The following RPS6KA2 variants were observed in gnomAD, a reference collection of about 807,000 sequenced individuals.
RPS6KA2 encodes ribosomal protein S6 kinase alpha-2.
A neutral mutation model predicts 91.8 loss-of-function variants in RPS6KA2; 42 were observed. That is an observed-to-expected ratio of 0.46 (90% CI 0.36 to 0.59). The LOEUF is 0.59. RPS6KA2 is among the 20% of genes least tolerant of loss of function. RPS6KA2 has a pLI of 0.00. For missense variants in RPS6KA2, 798 were observed against 978.5 expected (o/e 0.82, Z 2.46); for synonymous variants, 414 against 393.6 (o/e 1.05, Z -0.61).
intron 2 of RPS6KA2, among the ~76,000 whole-genome samples, chr6:166,851,627 A>T (rs1263977912): frequency 5.9e-5 from 9 of 152,252 alleles, no homozygotes; most frequent in African/African-American, 1.7e-4. Flanking sequence ...CTCTCAGACC[A>T]CGGGACACAG....
chr6:166,616,458 C>T lies in RPS6KA2; in HGVS notation c.99+10463G>A, dbSNP rs528635525. Among the ~76,000 whole-genome samples the T allele has an allele frequency of 4.6e-5, 7 of 152,340 alleles. No individual in the cohort carries two copies. In the East Asian group the frequency reaches 1.2e-3, roughly 25 times the overall value. ...CATGCCTGCCTGAGGCCATGTCAAC[C>T]GAGTCGCTCCTGTCCAGCAACACGT... On this transcript the variant is annotated intron_variant, in intron 1 of 20. Coordinates refer to ENST00000265678, the MANE Select transcript of RPS6KA2 (RefSeq NM_021135.6).
chr6:166,717,195 G>A (rs1300820470), intron 2 of RPS6KA2, among the ~76,000 whole-genome samples: 1 of 152,226 alleles, frequency 6.6e-6, no homozygotes. Flanking sequence ...CTGAGGCTCA[G>A]GTTTTGCAAG....
intron 2 of RPS6KA2, among the ~76,000 whole-genome samples, chr6:166,846,375 C>T (rs1398681909): frequency 6.9e-6 from 1 of 144,778 alleles, no homozygotes; most frequent in African/African-American, 2.5e-5. Context: ...CCATTATCAC[C>T]CCCATACCAA....
chr6:166,506,014 A>G (rs907854346), intron 5 of RPS6KA2, among the ~76,000 whole-genome samples: 1 of 152,140 alleles, frequency 6.6e-6, no homozygotes, highest in Non-Finnish European at 1.5e-5. Context: ...GTTTCTCCAT[A>G]GAAAGGGAAC....
At chr6:166,614,657 A>G (rs1786335911) in intron 1 of RPS6KA2, among the ~76,000 whole-genome samples, 1 of 152,160 alleles carries the variant, frequency 6.6e-6, no homozygotes, top group Non-Finnish European at 1.5e-5. Context: ...TGGAGATCGG[A>G]AGTTCGGGAT....
At chr6:166,783,842 ATC>A (rs1778848342) in intron 2 of RPS6KA2, among the ~76,000 whole-genome samples, 3 of 62,602 alleles carry the variant, frequency 4.8e-5, no homozygotes, top group Admixed American at 1.7e-4. Flanking sequence ...GTGCACACCT[ATC>A]TATACCACAT....
At chr6:166,861,149 T>C (rs1021874414) in intron 1 of RPS6KA2, among the ~76,000 whole-genome samples, 4 of 152,228 alleles carry the variant, frequency 2.6e-5, no homozygotes, top group African/African-American at 9.7e-5. Flanking sequence ...ACAGAATCTC[T>C]CATTCAGTTC....
chr6:166,566,148 C>T (rs1373262448), intron 1 of RPS6KA2, among the ~76,000 whole-genome samples: 1 of 152,210 alleles, frequency 6.6e-6, no homozygotes, highest in African/African-American at 2.4e-5. Flanking sequence ...AGAAAGGGAA[C>T]AGACCTACTC....
intron 2 of RPS6KA2, among the ~76,000 whole-genome samples, chr6:166,708,330 A>C (rs1789745951): frequency 6.6e-6 from 1 of 152,234 alleles, no homozygotes; most frequent in African/African-American, 2.4e-5. Context: ...ATTTACAATA[A>C]AGTAAACATT....
chr6:166,808,523 G>A (rs1779550635), intron 2 of RPS6KA2, among the ~76,000 whole-genome samples: 1 of 152,204 alleles, frequency 6.6e-6, no homozygotes, highest in Non-Finnish European at 1.5e-5. Flanking sequence ...GGTGCCTGGA[G>A]CAGGGCCTGG....
At chr6:166,453,434 A>G (rs537390487) in intron 12 of RPS6KA2, among the ~76,000 whole-genome samples, 2 of 152,350 alleles carry the variant, frequency 1.3e-5, no homozygotes, top group East Asian at 3.9e-4. Flanking sequence ...ATTTTTCAAA[A>G]GAAGACATAC....
intron 1 of RPS6KA2, among the ~76,000 whole-genome samples, chr6:166,624,842 C>CTT (rs35217062): frequency 1.4e-5 from 2 of 147,204 alleles, no homozygotes; most frequent in South Asian, 4.3e-4. Flanking sequence ...TAGCATTGAC[C>CTT]TTTTTTTTTT....
chr6:166,720,618 A>G lies in RPS6KA2; in HGVS notation c.123+137582T>C, dbSNP rs144125372. Among the ~76,000 whole-genome samples the G allele has an allele frequency of 6.2e-3, 945 of 152,346 alleles. 8 individuals carry two copies. Among genetic ancestry groups the G allele is most frequent in the Middle Eastern group, 0.044 (13 of 294 alleles). Reference sequence around the variant, plus strand: ...ATGAGAAACTAGCACTAAATAATTCACTTTTTGAGATAGTTTGAACATATT... The same window carrying G: ...ATGAGAAACTAGCACTAAATAATTCGCTTTTTGAGATAGTTTGAACATATT... On this transcript the variant is annotated intron_variant, in intron 2 of 21. Coordinates refer to the RPS6KA2 transcript ENST00000503859.
intron 2 of RPS6KA2, among the ~76,000 whole-genome samples, chr6:166,844,575 G>A (rs575187862): frequency 4.6e-5 from 7 of 152,208 alleles, no homozygotes; most frequent in South Asian, 2.1e-4. Flanking sequence ...CAGATTTCTC[G>A]GCAGAAACCC....
intron 2 of RPS6KA2, among the ~76,000 whole-genome samples, chr6:166,707,191 G>T (rs1366634215): frequency 1.3e-5 from 2 of 152,244 alleles, no homozygotes; most frequent in African/African-American, 4.8e-5. Flanking sequence ...ATAACCCTTT[G>T]TGCAATGCCG....
Position 166,451,115 on chromosome 6 carries a change from G to A in RPS6KA2, c.1194C>T (p.His398=). 1 of 1,614,090 alleles carries A rather than the reference G, an allele frequency of 6.2e-7. No individual in the cohort carries two copies. The highest frequency in any genetic ancestry group is 8.5e-7 in the Non-Finnish European group (1 of 1,179,980). Residue 398 remains histidine (H), a synonymous_variant, in exon 13 of 21, where the codon CAC becomes CAT. Transcript: ENST00000265678. The part of the protein sequence containing the change: ...SQQDLHKVPV[H]PIVQQLHGNN... ...CAAACACAGTTACCTGCACGATTGG[G>A]TGAACTGGGACTTTGTGCAGATCTT...
At chr6:166,744,128 A>G (rs1371032360) in intron 2 of RPS6KA2, among the ~76,000 whole-genome samples, 1 of 152,102 alleles carries the variant, frequency 6.6e-6, no homozygotes, top group Non-Finnish European at 1.5e-5. Context: ...ACACCCACCC[A>G]CGCTAGTGTG....
chr6:166,511,979 A>G (rs1315438001), intron 3 of RPS6KA2, among the ~76,000 whole-genome samples: 1 of 152,198 alleles, frequency 6.6e-6, no homozygotes, highest in Non-Finnish European at 1.5e-5. Flanking sequence ...ATGGATTTGA[A>G]CGGGTTCATC....
At position 166,531,362 on chromosome 6, in the gene RPS6KA2, G is replaced by T. The variant is rs139399158; in HGVS notation, c.217-49C>A. The T allele has an allele frequency of 6.3e-4, 876 of 1,391,500 alleles. 4 individuals carry two copies. In the African/African-American group the frequency reaches 0.011, roughly 17 times the overall value. The allele number at this position is 1,391,500 out of a possible 1,614,324, so 86.2% of individuals were successfully genotyped here. On this transcript the variant is annotated intron_variant, in intron 2 of 20. Coordinates refer to ENST00000265678, the MANE Select transcript of RPS6KA2 (RefSeq NM_021135.6). ...CAGAAACCCGTAAGACTTCAAACTCGCTTTCCATATTGGATTTGACAAGGG... is the reference window on the plus strand; with the variant it reads ...CAGAAACCCGTAAGACTTCAAACTCTCTTTCCATATTGGATTTGACAAGGG...
Sources: gnomAD v4.1 joint callset for allele counts (sites outside exome capture counted in the v4.1 genomes callset) on GRCh38, gnomAD v4.1.1 for gene constraint, MANE v1.5 for transcripts, NCBI Gene and HGNC (gene_info 2026-07-23, HGNC 2026-07-21) for gene names.